MIDN: variants seen among roughly 807,000 people sequenced by gnomAD.
The protein encoded by MIDN is midnolin.
In MIDN, 26 loss-of-function variants were observed where a neutral mutation model predicts 46.1. That is an observed-to-expected ratio of 0.56 (90% CI 0.41 to 0.78). MIDN has a LOEUF of 0.78. Among genes scored for constraint, MIDN ranks in the 30% least tolerant of loss-of-function variants. The probability of loss-of-function intolerance (pLI) is 0.00; values close to 1 mark genes in which losing one functional copy is unlikely to be tolerated. For missense variants in MIDN, 850 were observed against 771.8 expected, an observed-to-expected ratio of 1.10 and a Z score of -1.20; for synonymous variants, 432 against 343.3, an observed-to-expected ratio of 1.26 and a Z score of -2.86.
rs767750903 is a variant in MIDN at position 1,255,730 on chromosome 19, C to T, written c.1258+36C>T. On this transcript the variant is annotated intron_variant, in intron 8 of 8. Transcript: ENST00000682408. ...ACCCTCGGGGGTCCTACCTTCCCCGCCCGCCTGGGCTTCTCAAGGCCCCTC... is the reference window on the plus strand; with the variant it reads ...ACCCTCGGGGGTCCTACCTTCCCCGTCCGCCTGGGCTTCTCAAGGCCCCTC... 14 of 1,498,688 alleles carry T rather than the reference C, an allele frequency of 9.3e-6. No individual in the cohort carries two copies. The South Asian group carries it at 1.8e-4, about 20-fold the overall frequency. The allele number at this position is 1,498,688 out of a possible 1,614,324, so 92.8% of individuals were successfully genotyped here. A position where few individuals can be genotyped will look rare whatever the true frequency, so the allele number is the denominator to read the frequency against.
intron 2 of MIDN, among the ~76,000 whole-genome samples, chr19:1,251,023 A>G (rs541793297): frequency 4.0e-5 from 6 of 151,204 alleles, no homozygotes; most frequent in South Asian, 4.2e-4. Flanking sequence ...CTCCGGGGAC[A>G]CGCAGTGTCC....
intron 6 of MIDN, 85 bp downstream of exon 6, chr19:1,254,563 T>G: frequency 7.1e-7 from 1 of 1,402,884 alleles, no homozygotes; most frequent in Non-Finnish European, 9.7e-7. Flanking sequence ...GGACAAGGAC[T>G]CTTAGTCCCA....
chr19:1,251,963 G>A (rs1020912577), intron 4 of MIDN, 62 bp downstream of exon 4: 8 of 1,412,232 alleles, frequency 5.7e-6, no homozygotes, highest in African/African-American at 2.8e-5. Context: ...CTTGGCCACC[G>A]ACGGGGCCTG....
At position 1,250,374 on chromosome 19, in the gene MIDN, C is replaced by G. The variant is rs780452262; in HGVS notation, c.78C>G (p.Ala26=). The G allele has an allele frequency of 1.7e-6, 2 of 1,169,184 alleles. No homozygotes were observed. Among genetic ancestry groups the G allele is most frequent in the South Asian group, 5.5e-5 (2 of 36,412 alleles). 72.4% of individuals were successfully genotyped at this position (1,169,184 alleles called of 1,614,324 possible). Residue 26 remains alanine, a synonymous_variant, in exon 2 of 9, where the codon GCC becomes GCG. Transcript: ENST00000682408. ...PGGACELGPA[A]EAAPMSLAIH... ...GCGCCTGCGAGCTGGGCCCGGCGGC[C>G]GAGGCGGCGCCCATGAGCCTCGCCA...
chr19:1,255,052 A>T lies in MIDN; in HGVS notation c.976A>T (p.Thr326Ser). Reference protein sequence around the residue: ...VNHAPGVFSGTFSGTLHPNCQ... With the variant: ...VNHAPGVFSGSFSGTLHPNCQ... ...TCACGCCCCGGGGGTCTTCTCAGGG[A>T]CCTTCTCTGGTAGGTGTCACAGCAC... is the stretch of plus-strand genomic sequence containing the variant. Residue 326 changes from threonine to serine, a missense_variant, in exon 7 of 9, where the codon ACC becomes TCC. Transcript: ENST00000682408. 1 of 1,612,036 alleles carries T rather than the reference A, an allele frequency of 6.2e-7. No individual in the cohort carries two copies. The highest frequency in any genetic ancestry group is 8.5e-7 in the Non-Finnish European group (1 of 1,179,172).
intron 6 of MIDN, 118 bp downstream of exon 6, chr19:1,254,596 CTAT>C: frequency 8.9e-7 from 1 of 1,123,424 alleles, no homozygotes; most frequent in Non-Finnish European, 1.3e-6. Flanking sequence ...GTATTAAGGG[CTAT>C]CCTGTGACCT....
In MIDN at chr19:1,257,643, G is replaced by GA. The variant is rs1281225166; in HGVS notation, c.*374dup. ...GATGGCGGAGAGTGAAGGAGACGGAGAAACGCGCCCCATCCCTTCCGCCGC... is the reference window on the plus strand; with the variant it reads ...GATGGCGGAGAGTGAAGGAGACGGAGAAAACGCGCCCCATCCCTTCCGCCGC... On this transcript the variant is annotated 3_prime_UTR_variant, in exon 9 of 9. Coordinates refer to ENST00000682408, the MANE Select transcript of MIDN (RefSeq NM_001388306.1). The GA allele has an allele frequency of 4.3e-6, 1 of 230,304 alleles. No homozygotes were observed. Among genetic ancestry groups the GA allele is most frequent in the African/African-American group, 2.3e-5 (1 of 43,112 alleles). 14.3% of individuals were successfully genotyped at this position (230,304 alleles called of 1,614,324 possible). A position where few individuals can be genotyped will look rare whatever the true frequency, so the allele number is the denominator to read the frequency against.
At chr19:1,252,002 G>GTCCC in intron 4 of MIDN, 101 bp downstream of exon 4, 1 of 988,714 alleles carries the variant, frequency 1.0e-6, no homozygotes, top group Non-Finnish European at 1.5e-6. Context: ...AGGAGGCTGG[G>GTCCC]GGAGGGGAGG....
intron 8 of MIDN, among the ~76,000 whole-genome samples, chr19:1,256,598 C>T (rs1377752926): frequency 6.6e-6 from 1 of 152,102 alleles, no homozygotes; most frequent in African/African-American, 2.4e-5. Flanking sequence ...CAGTCCTGAC[C>T]TCCCCAGCTC....
intron 4 of MIDN, among the ~76,000 whole-genome samples, chr19:1,252,234 G>A (rs2081138998): frequency 6.6e-6 from 1 of 152,144 alleles, no homozygotes; most frequent in Admixed American, 6.5e-5. Context: ...CCCCCACCGA[G>A]GAGCCCCCCT....
intron 1 of MIDN, among the ~76,000 whole-genome samples, 154 bp downstream of exon 1, chr19:1,248,814 G>A (rs1218445116): frequency 6.6e-6 from 1 of 151,822 alleles, no homozygotes; most frequent in African/African-American, 2.4e-5. Context: ...GAGGGGCTCC[G>A]CGCAGCCAGC....
intron 4 of MIDN, among the ~76,000 whole-genome samples, chr19:1,252,531 G>A (rs564717949): frequency 6.6e-6 from 1 of 152,168 alleles, no homozygotes; most frequent in African/African-American, 2.4e-5. Flanking sequence ...CCCGGTTCCC[G>A]GTTTTGCTGC....
chr19:1,250,762 C>T (rs935010372), intron 2 of MIDN, among the ~76,000 whole-genome samples: 1 of 151,668 alleles, frequency 6.6e-6, no homozygotes, highest in African/African-American at 2.4e-5. Flanking sequence ...GGCGGCCCCC[C>T]TTGGGGGCGG....
intron 8 of MIDN, 34 bp downstream of exon 8, chr19:1,255,728 C>G: frequency 6.6e-7 from 1 of 1,507,150 alleles, no homozygotes; most frequent in South Asian, 1.3e-5. Context: ...CTACCTTCCC[C>G]GCCCGCCTGG....
Position 1,257,074 on chromosome 19 carries a change from G to C in MIDN, c.1338G>C (p.Arg446=), listed in dbSNP as rs978441264. The change falls in exon 9 of 9, where the codon CGG becomes CGC. Residue 446 remains arginine (R), a synonymous_variant. Transcript: ENST00000682408. ...TGCAGCTGCTTCTGCAGCAGAAACGGCTCCGTAGAAAGGCCCGGCGGGACG... is the reference window on the plus strand; with the variant it reads ...TGCAGCTGCTTCTGCAGCAGAAACGCCTCCGTAGAAAGGCCCGGCGGGACG... ...ERLQLLLQQK[R]LRRKARRDAR... 3.8e-5 allele frequency: 61 copies of C among 1,612,280 alleles called. No individual in the cohort carries two copies. Among genetic ancestry groups the C allele is most frequent in the Non-Finnish European group, 4.9e-5 (58 of 1,179,918 alleles).
chr19:1,250,034 C>G lies in MIDN; in HGVS notation c.-263C>G, dbSNP rs978204478. The G allele has an allele frequency of 6.6e-6, 1 of 151,786 alleles. No homozygotes were observed. Among genetic ancestry groups the G allele is most frequent in the African/African-American group, 2.4e-5 (1 of 41,344 alleles). 9.4% of individuals were successfully genotyped at this position (151,786 alleles called of 1,614,324 possible). On this transcript the variant is annotated 5_prime_UTR_variant, in exon 2 of 9. Transcript: ENST00000682408. ...AACCGCGCCGCGTCCCGGTCGCGCC[C>G]GCCGCCCTTTGAAGGAGAAGCAAGT...
rs564983257 is a variant in MIDN, at chr19:1,251,505, C to T, written c.234-57C>T. The stretch of plus-strand genomic sequence containing the variant: ...GCACAGCCCTCCCCCGCGGCCTCTG[C>T]TTCCGCGTCCCTGTGTCGTCTCCGC... On this transcript the variant is annotated intron_variant, in intron 2 of 8. Coordinates refer to ENST00000682408, the MANE Select transcript of MIDN (RefSeq NM_001388306.1). 2.0e-5 allele frequency: 31 copies of T among 1,540,082 alleles called. No individual in the cohort carries two copies. The East Asian group carries it at 2.5e-4, about 13-fold the overall frequency.
chr19:1,251,781 T>G, intron 3 of MIDN, 58 bp from the exon 4 acceptor site: 1 of 1,527,498 alleles, frequency 6.5e-7, no homozygotes, highest in Non-Finnish European at 9.0e-7. Context: ...CTCCACCCCC[T>G]ATTCCAGCCC....
At position 1,257,511 on chromosome 19, in the gene MIDN, C is replaced by CTCCTCT. The variant is rs917653048; in HGVS notation, c.*245_*250dup. ...ACCTCCTTCACCCTTCACTCCTGCCCTCCTCTTCCTCCTCCTCCTCCTCCT... is the reference window on the plus strand; with the variant it reads ...ACCTCCTTCACCCTTCACTCCTGCCCTCCTCTTCCTCTTCCTCCTCCTCCTCCTCCT... On this transcript the variant is annotated 3_prime_UTR_variant, in exon 9 of 9. Coordinates refer to ENST00000682408, the MANE Select transcript of MIDN (RefSeq NM_001388306.1). 8 of 433,220 alleles carry CTCCTCT rather than the reference C, an allele frequency of 1.8e-5. No individual in the cohort carries two copies. Among genetic ancestry groups the CTCCTCT allele is most frequent in the East Asian group, 1.3e-4 (3 of 23,398 alleles). The allele number at this position is 433,220 out of a possible 1,614,324, so 26.8% of individuals were successfully genotyped here.
Sources: allele counts gnomAD v4.1 joint callset (sites outside exome capture counted in the v4.1 genomes callset), GRCh38; gene constraint gnomAD v4.1.1; transcripts MANE v1.5; gene names NCBI Gene and HGNC (gene_info 2026-07-23, HGNC 2026-07-21).